Variants in RORA observed in about 807,000 individuals in gnomAD.
RORA encodes the protein RAR related orphan receptor A.
RORA carries 7 observed loss-of-function variants against 69.5 expected under a neutral mutation model. The observed-to-expected ratio is 0.10, with a 90% CI of 0.06 to 0.19. RORA has a LOEUF of 0.19. Among genes scored for constraint, RORA ranks in the 10% least tolerant of loss-of-function variants. RORA has a pLI of 1.00. For synonymous variants in RORA, 261 were observed against 240.8 expected (o/e 1.08, Z -0.78); for missense variants, 457 against 663.0 (o/e 0.69, Z 3.41).
chr15:61,165,365 C>T (rs2079532431), intron 1 of RORA, among the ~76,000 whole-genome samples: 1 of 152,148 alleles, frequency 6.6e-6, no homozygotes, highest in Non-Finnish European at 1.5e-5. Context: ...TATCCAGCTC[C>T]CCTCTTTATT....
chr15:60,971,024 G>A (rs988019015), intron 1 of RORA, among the ~76,000 whole-genome samples: 1 of 152,170 alleles, frequency 6.6e-6, no homozygotes, highest in Non-Finnish European at 1.5e-5. Context: ...TCCTTTGGGG[G>A]CATAAACAGA....
chr15:60,826,781 CTCTCTCTCTTT>C (rs1466571095), intron 1 of RORA, among the ~76,000 whole-genome samples: 2 of 105,630 alleles, frequency 1.9e-5, no homozygotes, highest in African/African-American at 2.8e-5. Context: ...CTCTCTCTCT[CTCTCTCTCTTT>C]TTTTTTTAAA....
chr15:61,031,306 A>T (rs571013446), intron 1 of RORA, among the ~76,000 whole-genome samples: 1 of 152,152 alleles, frequency 6.6e-6, no homozygotes, highest in Non-Finnish European at 1.5e-5. Context: ...GGATGCCTTT[A>T]TTTCACACGT....
intron 1 of RORA, among the ~76,000 whole-genome samples, chr15:60,730,470 G>A (rs1054960425): frequency 1.3e-5 from 2 of 152,152 alleles, no homozygotes; most frequent in East Asian, 3.8e-4. Context: ...ATGCTGGCTG[G>A]AAAAATCTTA....
rs992161955 is a variant in RORA at position 60,489,650 on chromosome 15, C to G, written c.*7805G>C. On this transcript the variant is annotated 3_prime_UTR_variant, in exon 11 of 11. Transcript: ENST00000335670. Reference sequence around the variant, plus strand: ...GGAACTGGTTGAGGTCATACTGAAACAGAACATCCCATGTCGAATTTGCTT... The same window carrying G: ...GGAACTGGTTGAGGTCATACTGAAAGAGAACATCCCATGTCGAATTTGCTT... 6 of 152,256 alleles carry G rather than the reference C, an allele frequency of 3.9e-5. No homozygotes were observed. Among genetic ancestry groups the G allele is most frequent in the Admixed American group, 2.6e-4 (4 of 15,278 alleles). The allele number at this position is 152,256 out of a possible 1,614,324, so 9.4% of individuals were successfully genotyped here.
intron 2 of RORA, among the ~76,000 whole-genome samples, chr15:60,578,536 A>G (rs764402529): frequency 6.6e-6 from 1 of 152,226 alleles, no homozygotes; most frequent in African/African-American, 2.4e-5. Context: ...CTGTTATTCT[A>G]TTAAGTGGCA....
intron 2 of RORA, chr15:60,592,297 C>G: frequency 1.0e-6 from 1 of 955,754 alleles, no homozygotes; most frequent in Non-Finnish European, 1.4e-6. Context: ...TGCGTTCGGG[C>G]AGGCGCGCCC....
chr15:61,126,812 T>G (rs773450961), intron 1 of RORA, among the ~76,000 whole-genome samples: 33 of 152,216 alleles, frequency 2.2e-4, no homozygotes, highest in Admixed American at 4.6e-4. Flanking sequence ...CCACGCTCTC[T>G]CCACCATTCC....
intron 1 of RORA, among the ~76,000 whole-genome samples, chr15:61,077,349 TA>T (rs1056873356): frequency 2.6e-5 from 4 of 152,132 alleles, no homozygotes; most frequent in African/African-American, 9.7e-5. Flanking sequence ...AAGACATGTT[TA>T]GGGGAACTGA....
At chr15:60,762,768 T>C (rs143839506) in intron 1 of RORA, among the ~76,000 whole-genome samples, 1 of 152,306 alleles carries the variant, frequency 6.6e-6, no homozygotes, top group East Asian at 1.9e-4. Flanking sequence ...AGGGGGACTA[T>C]TGGTATTTCG....
At chr15:61,046,390 G>A (rs1209260757) in intron 1 of RORA, among the ~76,000 whole-genome samples, 2 of 152,158 alleles carry the variant, frequency 1.3e-5, no homozygotes, top group Non-Finnish European at 2.9e-5. Flanking sequence ...GCCAGGAGAG[G>A]TGGTGGGGAG....
intron 2 of RORA, among the ~76,000 whole-genome samples, chr15:60,604,132 CAA>C (rs3053857): frequency 0.043 from 3,918 of 91,874 alleles, 65 homozygotes; most frequent in East Asian, 0.11. Context: ...GACTCTGTCT[CAA>C]AAAAAAAAAA....
intron 1 of RORA, among the ~76,000 whole-genome samples, chr15:60,909,678 A>G (rs1165012328): frequency 6.6e-6 from 1 of 152,204 alleles, no homozygotes; most frequent in African/African-American, 2.4e-5. Context: ...GATCCCCACT[A>G]AGCGTGGGTC....
chr15:61,145,406 A>C (rs1008610640), intron 1 of RORA, among the ~76,000 whole-genome samples: 2 of 152,188 alleles, frequency 1.3e-5, no homozygotes, highest in African/African-American at 4.8e-5. Context: ...TCTGTCATAC[A>C]ACTGAATGTG....
intron 1 of RORA, among the ~76,000 whole-genome samples, chr15:61,020,805 AT>A (rs1328398260): frequency 6.6e-6 from 1 of 152,186 alleles, no homozygotes; most frequent in East Asian, 1.9e-4. Flanking sequence ...GCCCCGTATA[AT>A]TTCCTGAGGA....
chr15:61,147,754 C>T lies in RORA; in HGVS notation c.166+81299G>A, dbSNP rs1237702567. 2.9e-5 allele frequency among the ~76,000 whole-genome samples: 3 copies of T among 102,748 alleles called. No homozygotes were observed. The highest frequency in any genetic ancestry group is 3.2e-4 in the East Asian group (1 of 3,082). The allele number at this position is 102,748 out of a possible 152,430, so 67.4% of individuals were successfully genotyped here. On this transcript the variant is annotated intron_variant, in intron 1 of 10. Coordinates refer to ENST00000335670, the MANE Select transcript of RORA (RefSeq NM_134261.3). The surrounding 1 kb of genome is among the most constrained non-coding windows in gnomAD (Gnocchi z 4.1). ...AAGAAAGGTTGATGGTCAGTAGGCA[C>T]GTGCGCACACGCGTGTGTGTGTGTG...
intron 1 of RORA, among the ~76,000 whole-genome samples, chr15:61,157,391 G>A (rs538545538): frequency 2.6e-5 from 4 of 152,290 alleles, no homozygotes; most frequent in Middle Eastern, 6.8e-3. Context: ...AACATAAAAT[G>A]TTAAAAAATA....
chr15:60,572,708 C>T (rs1347900956), intron 2 of RORA, among the ~76,000 whole-genome samples: 4 of 152,152 alleles, frequency 2.6e-5, no homozygotes, highest in African/African-American at 9.7e-5. Context: ...GAGATGAGAG[C>T]TGAGTGAGTT....
chr15:60,662,079 A>C (rs2070311906), intron 2 of RORA, among the ~76,000 whole-genome samples: 1 of 152,262 alleles, frequency 6.6e-6, no homozygotes, highest in Non-Finnish European at 1.5e-5. Context: ...AAATAGAGGT[A>C]ATGTTGGGAT....
Sources: gnomAD v4.1 joint callset for allele counts (sites outside exome capture counted in the v4.1 genomes callset) on GRCh38, gnomAD v4.1.1 for gene constraint, Gnocchi (gnomAD v3.1) non-coding constraint, MANE v1.5 for transcripts, NCBI Gene and HGNC (gene_info 2026-07-23, HGNC 2026-07-21) for gene names.